Variants in GPR158 observed in about 807,000 individuals in gnomAD.
GPR158 encodes G protein-coupled receptor 158.
In GPR158, 30 loss-of-function variants were observed where a neutral mutation model predicts 78.2. The observed-to-expected ratio is 0.38, with a 90% CI of 0.29 to 0.52. GPR158 has a LOEUF of 0.52. Among genes scored for constraint, GPR158 ranks in the 20% least tolerant of loss-of-function variants. GPR158 has a pLI of 0.83. For synonymous variants in GPR158, 581 were observed against 591.1 expected (o/e 0.98, Z 0.25); for missense variants, 1,463 against 1,523.5 (o/e 0.96, Z 0.66).
At chr10:25,460,438 G>A (rs181820914) in intron 4 of GPR158, among the ~76,000 whole-genome samples, 6 of 152,116 alleles carry the variant, frequency 3.9e-5, no homozygotes, top group Non-Finnish European at 2.9e-5. Context: ...CAATTGATCC[G>A]CCCACCTCGG....
rs1263808962 is a variant in GPR158 at position 25,319,702 on chromosome 10, C to T, written c.1009-76209C>T. Among the ~76,000 whole-genome samples, 3 of 152,216 alleles carry T rather than the reference C, an allele frequency of 2.0e-5. No individual in the cohort carries two copies. In the East Asian group the frequency reaches 5.8e-4, roughly 29 times the overall value. ...GAGAAATTTTTTCTTCTAAGCTAAT[C>T]ACATCGGCGACATCGTTCTTTATGT... On this transcript the variant is annotated intron_variant, in intron 2 of 10. Coordinates refer to ENST00000376351, the MANE Select transcript of GPR158 (RefSeq NM_020752.3).
chr10:25,553,034 G>A (rs538945671), intron 6 of GPR158, among the ~76,000 whole-genome samples: 1 of 152,212 alleles, frequency 6.6e-6, no homozygotes, highest in Non-Finnish European at 1.5e-5. Flanking sequence ...TCACTGCAAT[G>A]CTGTCTCCAT....
At chr10:25,586,713 C>T (rs1020076681) in intron 7 of GPR158, among the ~76,000 whole-genome samples, 4 of 152,052 alleles carry the variant, frequency 2.6e-5, no homozygotes, top group African/African-American at 4.8e-5. Context: ...GTGCCCGGCC[C>T]GGTATGCATG....
intron 4 of GPR158, among the ~76,000 whole-genome samples, chr10:25,460,194 C>CTT (rs778099736): frequency 7.0e-6 from 1 of 143,460 alleles, no homozygotes; most frequent in Non-Finnish European, 1.5e-5. Context: ...CAGAGATTTT[C>CTT]TTTTTTTTTT....
intron 2 of GPR158, among the ~76,000 whole-genome samples, chr10:25,288,328 C>G (rs1854382428): frequency 6.6e-6 from 1 of 152,162 alleles, no homozygotes; most frequent in Non-Finnish European, 1.5e-5. Flanking sequence ...TTCTGAAGAG[C>G]ATCTAGTCCT....
chr10:25,394,283 C>A (rs960614659), intron 2 of GPR158, among the ~76,000 whole-genome samples: 4 of 152,170 alleles, frequency 2.6e-5, no homozygotes, highest in Non-Finnish European at 5.9e-5. Flanking sequence ...CAGTAAGGCT[C>A]AGAGATGTTA....
At chr10:25,204,231 T>C (rs1426210592) in intron 1 of GPR158, among the ~76,000 whole-genome samples, 1 of 152,188 alleles carries the variant, frequency 6.6e-6, no homozygotes, top group Non-Finnish European at 1.5e-5. Flanking sequence ...TTTTCCTAAT[T>C]GAATACCCTT....
chr10:25,290,172 TACTC>T (rs1432027630), intron 2 of GPR158, among the ~76,000 whole-genome samples: 1 of 152,194 alleles, frequency 6.6e-6, no homozygotes, highest in Non-Finnish European at 1.5e-5. Context: ...TAGGAAAACT[TACTC>T]AGATTAAATG....
intron 2 of GPR158, among the ~76,000 whole-genome samples, chr10:25,392,470 G>A (rs1168527833): frequency 6.6e-6 from 1 of 152,236 alleles, no homozygotes; most frequent in Non-Finnish European, 1.5e-5. Context: ...ACTGGCCACA[G>A]AGGTTTCTGG....
chr10:25,283,714 G>A (rs762276805), intron 2 of GPR158, among the ~76,000 whole-genome samples: 10 of 151,546 alleles, frequency 6.6e-5, no homozygotes, highest in Admixed American at 2.0e-4. Context: ...AGTGGAGACC[G>A]TTTTTCTTTT....
rs577245744 is a variant in GPR158 at position 25,571,676 on chromosome 10, C to T, written c.1515-973C>T. On this transcript the variant is annotated intron_variant, in intron 6 of 10. Coordinates refer to ENST00000376351, the MANE Select transcript of GPR158 (RefSeq NM_020752.3). ...GGAGTTAAAATCAGCCGAGAATATT[C>T]TAGAAATGAAATTGAAGAATGGGTA... is the stretch of plus-strand genomic sequence containing the variant. 3.2e-4 allele frequency among the ~76,000 whole-genome samples: 49 copies of T among 152,104 alleles called. 2 individuals carry two copies. Among genetic ancestry groups the T allele is most frequent in the African/African-American group, 1.2e-3 (48 of 41,492 alleles).
At chr10:25,403,904 C>T (rs1465176832) in intron 3 of GPR158, among the ~76,000 whole-genome samples, 1 of 151,760 alleles carries the variant, frequency 6.6e-6, no homozygotes, top group East Asian at 1.9e-4. Flanking sequence ...ATTGAGTATC[C>T]AATATGTATA....
intron 2 of GPR158, among the ~76,000 whole-genome samples, chr10:25,301,952 T>C (rs1199190061): frequency 2.6e-5 from 4 of 152,234 alleles, no homozygotes; most frequent in Non-Finnish European, 5.9e-5. Context: ...TTGGCTGTTT[T>C]AGAATTTCAT....
rs140529524 is a variant in GPR158 at position 25,456,345 on chromosome 10, G to A, written c.1336-10306G>A. ...TGGAATGTTTAGGCTATCTCCAAAT[G>A]TCAAACAAAACAGGAAATGTTTCTT... On this transcript the variant is annotated intron_variant, in intron 4 of 10. Coordinates refer to ENST00000376351, the MANE Select transcript of GPR158 (RefSeq NM_020752.3). Among the ~76,000 whole-genome samples the A allele has an allele frequency of 5.9e-3, 899 of 152,248 alleles. 9 individuals carry two copies. The highest frequency in any genetic ancestry group is 0.02 in the African/African-American group (849 of 41,554).
At chr10:25,392,703 A>G (rs1306161742) in intron 2 of GPR158, among the ~76,000 whole-genome samples, 1 of 152,128 alleles carries the variant, frequency 6.6e-6, no homozygotes, top group Non-Finnish European at 1.5e-5. Context: ...TAATTTCCTA[A>G]TCTTAAAAAT....
Position 25,175,733 on chromosome 10 carries a change from T to A in GPR158, c.313T>A (p.Leu105Met). Residue 105 changes from leucine to methionine, a missense_variant, in exon 1 of 11, where the codon TTG becomes ATG. Physicochemically the swap from Leu to Met is conservative, Grantham distance 15 (BLOSUM62 2). Coordinates refer to ENST00000376351, the MANE Select transcript of GPR158 (RefSeq NM_020752.3). This position sits in a 1 kb window ranked among gnomAD's most constrained non-coding sequence, Gnocchi z 6.4. ...KRANCSGRYE[L>M]AGLPGKWPAL... ...AGCCAACTGCTCCGGCCGCTACGAG[T>A]TGGCGGGCCTGCCGGGGAAGTGGCC... is the stretch of plus-strand genomic sequence containing the variant. The A allele has an allele frequency of 6.2e-7, 1 of 1,611,548 alleles. No individual in the cohort carries two copies.
intron 4 of GPR158, among the ~76,000 whole-genome samples, chr10:25,443,264 T>TAA (rs1835092693): frequency 2.0e-5 from 3 of 152,092 alleles, no homozygotes; most frequent in African/African-American, 7.2e-5. Flanking sequence ...AAAAAAAATT[T>TAA]TTTTGTGAGG....
chr10:25,509,575 G>A (rs1264171995), intron 5 of GPR158, among the ~76,000 whole-genome samples: 1 of 152,140 alleles, frequency 6.6e-6, no homozygotes, highest in Non-Finnish European at 1.5e-5. Flanking sequence ...AATAGCTACA[G>A]CTGTAACTGA....
chr10:25,226,738 A>G (rs989729382), intron 2 of GPR158, among the ~76,000 whole-genome samples: 1 of 152,214 alleles, frequency 6.6e-6, no homozygotes, highest in African/African-American at 2.4e-5. Context: ...TCAGGTGTTC[A>G]TTTGTACCTA....
Sources: gnomAD v4.1 joint callset for allele counts (sites outside exome capture counted in the v4.1 genomes callset) on GRCh38, gnomAD v4.1.1 for gene constraint, Gnocchi (gnomAD v3.1) non-coding constraint, MANE v1.5 for transcripts, NCBI Gene and HGNC (gene_info 2026-07-23, HGNC 2026-07-21) for gene names.